The following NFATC2 variants were observed in gnomAD, a reference collection of about 807,000 sequenced individuals.
The protein encoded by NFATC2 is nuclear factor of activated T cells 2, also known as nuclear factor of activated T-cells, cytoplasmic 2.
In NFATC2, 22 loss-of-function variants were observed where a neutral mutation model predicts 87.3. That is an observed-to-expected ratio of 0.25 (90% confidence interval 0.18 to 0.36). NFATC2 has a LOEUF of 0.36. Ranked by LOEUF, NFATC2 falls within the 10% of genes least tolerant of loss-of-function variation. The pLI, the probability that NFATC2 is intolerant of heterozygous loss-of-function variation, is 1.00. For synonymous variants in NFATC2, 565 were observed against 542.2 expected (o/e 1.04, Z -0.58); for missense variants, 1,149 against 1,259.1 (o/e 0.91, Z 1.32).
intron 3 of NFATC2, among the ~76,000 whole-genome samples, chr20:51,498,533 C>T (rs1361737907): frequency 6.6e-6 from 1 of 151,974 alleles, no homozygotes; most frequent in Admixed American, 6.6e-5. Context: ...CATGGTGGCT[C>T]ACGCCTGTAA....
chr20:51,392,707 A>C (rs1986502328), intron 10 of NFATC2, among the ~76,000 whole-genome samples: 1 of 152,102 alleles, frequency 6.6e-6, no homozygotes. Flanking sequence ...ACACCTCCTC[A>C]TACTTCCTTT....
intron 3 of NFATC2, among the ~76,000 whole-genome samples, chr20:51,510,701 C>G (rs549413429): frequency 2.0e-5 from 3 of 152,170 alleles, no homozygotes; most frequent in Non-Finnish European, 4.4e-5. Context: ...AGCGGACTGC[C>G]GCCCTGAACT....
chr20:51,442,781 G>A (rs1454684059), intron 6 of NFATC2, among the ~76,000 whole-genome samples: 5 of 149,884 alleles, frequency 3.3e-5, no homozygotes, highest in African/African-American at 4.9e-5. Flanking sequence ...GGAGCCCTCC[G>A]GGGCCACAGC....
chr20:51,446,108 G>A (rs73615390), intron 6 of NFATC2, among the ~76,000 whole-genome samples: 13,585 of 152,118 alleles, frequency 0.089, 993 homozygotes, highest in East Asian at 0.33. Flanking sequence ...TTCCCCATCC[G>A]TAAAATGGGA....
upstream of NFATC2, among the ~76,000 whole-genome samples, chr20:51,542,910 T>G (rs936235877): frequency 3.3e-5 from 5 of 151,848 alleles, no homozygotes; most frequent in African/African-American, 1.2e-4. Context: ...GGGCCACCGC[T>G]GGGCGCTGGG....
At position 51,424,389 on chromosome 20, in the gene NFATC2, G is replaced by A. The variant is rs537532046; in HGVS notation, c.2722+7678C>T. ...GCTCACAACTGACAAGGAAGAGGAG[G>A]AGGAGGAAAATGTCACTGCGGTTAG... On this transcript the variant is annotated intron_variant, in intron 9 of 10. Coordinates refer to ENST00000371564, the MANE Select transcript of NFATC2 (RefSeq NM_012340.5). 2.6e-5 allele frequency among the ~76,000 whole-genome samples: 4 copies of A among 152,326 alleles called. No homozygotes were observed. The East Asian group carries it at 7.7e-4, about 29-fold the overall frequency.
intron 6 of NFATC2, among the ~76,000 whole-genome samples, chr20:51,444,129 A>C (rs1341143763): frequency 6.6e-6 from 1 of 151,944 alleles, no homozygotes; most frequent in Non-Finnish European, 1.5e-5. Context: ...TTACAGGCAC[A>C]TGCCACCACG....
Position 51,432,071 on chromosome 20 carries a change from A to G in NFATC2, c.2718T>C (p.Asp906=). Residue 906 remains aspartate (D), a synonymous_variant, in exon 9 of 11, where the codon GAT becomes GAC. Coordinates refer to ENST00000371564, the MANE Select transcript of NFATC2 (RefSeq NM_012340.5). The surrounding 1 kb of genome is among the most constrained non-coding windows in gnomAD (Gnocchi z 4.6). ...QEQNLDQTYL[D]DELIDTHLSW... The stretch of plus-strand genomic sequence containing the variant: ...GACAAAACTCAAGCGTCTTACCATC[A>G]TCCAAGTAGGTCTGGTCCAAGTTCT... 1 of 1,520,572 alleles carries G rather than the reference A, an allele frequency of 6.6e-7. No individual in the cohort carries two copies. Among genetic ancestry groups the G allele is most frequent in the Non-Finnish European group, 8.8e-7 (1 of 1,132,546 alleles). 94.2% of individuals were successfully genotyped at this position (1,520,572 alleles called of 1,614,324 possible). A position where few individuals can be genotyped will look rare whatever the true frequency, so the allele number is the denominator to read the frequency against.
At chr20:51,512,113 T>C (rs1030890967) in intron 3 of NFATC2, among the ~76,000 whole-genome samples, 1 of 152,174 alleles carries the variant, frequency 6.6e-6, no homozygotes, top group Non-Finnish European at 1.5e-5. Context: ...GAGGAGGACA[T>C]CATTTGTCTC....
At chr20:51,485,425 C>T (rs1466707512) in intron 3 of NFATC2, among the ~76,000 whole-genome samples, 1 of 152,200 alleles carries the variant, frequency 6.6e-6, no homozygotes, top group East Asian at 1.9e-4. Flanking sequence ...GGCTCCCTAC[C>T]AACATTCCCG....
intron 9 of NFATC2, among the ~76,000 whole-genome samples, chr20:51,410,546 GAGAGGGAGAGAA>G (rs374470904): frequency 0.022 from 3,284 of 151,934 alleles, 59 homozygotes; most frequent in Non-Finnish European, 0.033. Context: ...AGGAAAGGAA[GAGAGGGAGAGAA>G]AGAGGGAGAG....
At chr20:51,399,541 C>T (rs1057074367) in intron 9 of NFATC2, among the ~76,000 whole-genome samples, 1 of 152,116 alleles carries the variant, frequency 6.6e-6, no homozygotes, top group Non-Finnish European at 1.5e-5. Context: ...ATCTCATCTT[C>T]AAGGGAGACA....
At chr20:51,504,972 C>CAGGTCATG (rs1453129285) in intron 3 of NFATC2, among the ~76,000 whole-genome samples, 2 of 147,606 alleles carry the variant, frequency 1.4e-5, no homozygotes, top group Admixed American at 1.4e-4. Context: ...TAGTTCACTC[C>CAGGTCATG]AGGTCATGAA....
chr20:51,484,178 C>T (rs1473484665), intron 3 of NFATC2, among the ~76,000 whole-genome samples: 3 of 151,892 alleles, frequency 2.0e-5, no homozygotes, highest in Non-Finnish European at 2.9e-5. Context: ...GGCAGGTGCC[C>T]GTCCCTGCAT....
In NFATC2 at chr20:51,404,918, T is replaced by C. The variant is rs976384334; in HGVS notation, c.2723-6188A>G. 3.9e-5 allele frequency among the ~76,000 whole-genome samples: 6 copies of C among 152,094 alleles called. No individual in the cohort carries two copies. The East Asian group carries it at 7.7e-4, about 20-fold the overall frequency. On this transcript the variant is annotated intron_variant, in intron 9 of 10. Transcript: ENST00000371564. ...TCACAAGCACCCTGCCACCAGCCATTTTATGAGCAAGACCTTGGGGCTTAC... is the reference window on the plus strand; with the variant it reads ...TCACAAGCACCCTGCCACCAGCCATCTTATGAGCAAGACCTTGGGGCTTAC...
At chr20:51,476,234 C>T (rs1164932037) in intron 3 of NFATC2, among the ~76,000 whole-genome samples, 1 of 111,970 alleles carries the variant, frequency 8.9e-6, no homozygotes, top group Admixed American at 1.1e-4. Context: ...CCCCTCCCCC[C>T]ACCCCACAAC....
intron 9 of NFATC2, among the ~76,000 whole-genome samples, chr20:51,404,463 C>T (rs1988360260): frequency 6.6e-6 from 1 of 152,242 alleles, no homozygotes; most frequent in Non-Finnish European, 1.5e-5. Context: ...TTTTGGGAAT[C>T]AGAGCCAATC....
In NFATC2 at chr20:51,542,453, G is replaced by C; in HGVS notation, c.47C>G (p.Pro16Arg). 6.3e-7 allele frequency: 1 copy of C among 1,576,232 alleles called. No individual in the cohort carries two copies. The highest frequency in any genetic ancestry group is 8.6e-7 in the Non-Finnish European group (1 of 1,164,994). The change falls in exon 1 of 11, where the codon CCA becomes CGA. Residue 16 changes from proline (P) to arginine (R), a missense_variant. Pro to Arg is a moderately radical substitution (Grantham distance 103, BLOSUM62 -2). Around this residue, in one of 3 missense-constraint regions of NFATC2, gnomAD observed 563 missense variants for 585.2 expected, o/e 0.96. Transcript: ENST00000371564. ...RQPQPDGGDA[P>R]GHEPGGSPQD... Reference sequence around the variant, plus strand: ...GGGGCTGCCCCCAGGCTCGTGGCCTGGGGCGTCCCCGCCGTCGGGTTGGGG... The same window carrying C: ...GGGGCTGCCCCCAGGCTCGTGGCCTCGGGCGTCCCCGCCGTCGGGTTGGGG...
intron 1 of NFATC2, among the ~76,000 whole-genome samples, chr20:51,560,492 G>A (rs1029912833): frequency 2.0e-5 from 3 of 152,196 alleles, no homozygotes; most frequent in African/African-American, 7.2e-5. Context: ...CAGAAAGTTT[G>A]GAATTTTTTT....
Sources: allele counts gnomAD v4.1 joint callset (sites outside exome capture counted in the v4.1 genomes callset), GRCh38; gene constraint gnomAD v4.1.1; regional missense constraint gnomAD v4.1.1; non-coding constraint Gnocchi (gnomAD v3.1); transcripts MANE v1.5; gene names NCBI Gene and HGNC (gene_info 2026-07-23, HGNC 2026-07-21).